NTRK3: variants seen among roughly 807,000 people sequenced by gnomAD.
The protein encoded by NTRK3 is NT-3 growth factor receptor.
In NTRK3, 24 loss-of-function variants were observed where a neutral mutation model predicts 91.7. The ratio of observed to expected loss-of-function variants is 0.26; its 90% confidence interval spans 0.19 to 0.37. The LOEUF (loss-of-function observed/expected upper bound fraction) is 0.37, where lower values mean the gene tolerates loss of function less well. NTRK3 is among the 10% of genes least tolerant of loss of function. The pLI, the probability that NTRK3 is intolerant of heterozygous loss-of-function variation, is 1.00. For synonymous variants in NTRK3, 483 were observed against 404.0 expected (o/e 1.20, Z -2.34); for missense variants, 880 against 1,068.9 (o/e 0.82, Z 2.46).
At chr15:88,066,636 G>C (rs1294967259) in intron 13 of NTRK3, among the ~76,000 whole-genome samples, 3 of 152,306 alleles carry the variant, frequency 2.0e-5, no homozygotes, top group African/African-American at 7.2e-5. Flanking sequence ...ATATGAGTGA[G>C]TGCCTCTCCC....
At chr15:87,932,544 AACCTTGGACCTTCTT>A (rs1429743688) in intron 16 of NTRK3, among the ~76,000 whole-genome samples, 3 of 152,210 alleles carry the variant, frequency 2.0e-5, no homozygotes, top group African/African-American at 7.2e-5. Flanking sequence ...GATGAATTGT[AACCTTGGACCTTCTT>A]ACTCATCATC....
rs528269518 is a variant in NTRK3 at position 88,207,020 on chromosome 15, T to G, written c.249-22721A>C. 4.6e-5 allele frequency among the ~76,000 whole-genome samples: 7 copies of G among 152,298 alleles called. No individual in the cohort carries two copies. The East Asian group carries it at 1.4e-3, about 29-fold the overall frequency. ...TACATTACCCAGAACCTTCTGTTCC[T>G]CCTTCAGGGAATTCACAGTCAAACT... On this transcript the variant is annotated intron_variant, in intron 3 of 18. Transcript: ENST00000394480.
chr15:88,181,904 C>T lies in NTRK3; in HGVS notation c.395+1514G>A, dbSNP rs150722333. ...ACCCTTGTATGAATTACTATGAAAACGGAGACTTCTCAGATGTCAAAAGCT... is the reference window on the plus strand; with the variant it reads ...ACCCTTGTATGAATTACTATGAAAATGGAGACTTCTCAGATGTCAAAAGCT... On this transcript the variant is annotated intron_variant, in intron 5 of 18. Coordinates refer to ENST00000394480, the Ensembl canonical transcript of NTRK3. Among the ~76,000 whole-genome samples the T allele has an allele frequency of 2.8e-3, 419 of 152,322 alleles. 7 individuals are homozygous for T. In the East Asian group the frequency reaches 0.032, roughly 12 times the overall value.
At chr15:88,024,860 T>G (rs1282533696) in intron 14 of NTRK3, among the ~76,000 whole-genome samples, 1 of 152,206 alleles carries the variant, frequency 6.6e-6, no homozygotes, top group Admixed American at 6.5e-5. Context: ...ATGGACACAT[T>G]GGTTGGTACC....
intron 14 of NTRK3, among the ~76,000 whole-genome samples, chr15:87,957,112 G>A (rs551478196): frequency 6.6e-6 from 1 of 152,236 alleles, no homozygotes; most frequent in East Asian, 1.9e-4. Flanking sequence ...ATTTCACTCT[G>A]AGATCTTAGA....
intron 3 of NTRK3, among the ~76,000 whole-genome samples, chr15:88,242,358 T>C (rs2052439205): frequency 1.3e-5 from 2 of 152,216 alleles, no homozygotes; most frequent in African/African-American, 4.8e-5. Flanking sequence ...TCACATTCAG[T>C]ACACCTGGGA....
chr15:87,929,814 A>T (rs1292351165), intron 16 of NTRK3, among the ~76,000 whole-genome samples: 5 of 152,208 alleles, frequency 3.3e-5, no homozygotes, highest in Admixed American at 3.3e-4. Flanking sequence ...AAATATTGTA[A>T]TTCACTCAAT....
At chr15:88,219,123 G>A (rs1451653705) in intron 3 of NTRK3, among the ~76,000 whole-genome samples, 4 of 152,240 alleles carry the variant, frequency 2.6e-5, no homozygotes, top group South Asian at 2.1e-4. Flanking sequence ...GAAGGCCTGA[G>A]GCAGACCTAC....
intron 13 of NTRK3, among the ~76,000 whole-genome samples, chr15:88,088,677 T>G (rs1156412072): frequency 2.0e-5 from 3 of 152,118 alleles, no homozygotes; most frequent in African/African-American, 7.2e-5. Context: ...GCTGCAAGAG[T>G]GCAGAAGCTG....
intron 17 of NTRK3, among the ~76,000 whole-genome samples, chr15:87,886,825 T>TA (rs376575397): frequency 0.044 from 6,361 of 143,718 alleles, 438 homozygotes; most frequent in African/African-American, 0.15. Flanking sequence ...TTAAAAATAG[T>TA]AAAAAAAAAA....
intron 14 of NTRK3, among the ~76,000 whole-genome samples, chr15:87,972,382 T>C (rs1043593557): frequency 6.6e-6 from 1 of 152,140 alleles, no homozygotes; most frequent in Non-Finnish European, 1.5e-5. Context: ...AAGACAAAAG[T>C]CAGGGACTGC....
At chr15:88,197,414 T>C (rs978266878) in intron 3 of NTRK3, among the ~76,000 whole-genome samples, 17 of 152,222 alleles carry the variant, frequency 1.1e-4, no homozygotes, top group Admixed American at 2.6e-4. Context: ...CTCCATTTTT[T>C]ACAAAGATGA....
exon 19 of NTRK3, chr15:87,870,828 T>C: frequency 4.4e-6 from 1 of 224,766 alleles, no homozygotes; most frequent in East Asian, 6.4e-5. Context: ...GTTATCTTGA[T>C]ACATCTTCTA....
intron 17 of NTRK3, among the ~76,000 whole-genome samples, chr15:87,907,666 T>A (rs2066853591): frequency 6.6e-6 from 1 of 152,118 alleles, no homozygotes; most frequent in African/African-American, 2.4e-5. Context: ...GTCTTCTTAG[T>A]CTGGGATGGA....
chr15:88,036,407 C>G (rs1419272164), intron 13 of NTRK3, among the ~76,000 whole-genome samples: 5 of 147,606 alleles, frequency 3.4e-5, no homozygotes, highest in African/African-American at 9.8e-5. Context: ...ACTTTTTAAC[C>G]TGGAAATCTA....
chr15:88,099,269 G>A (rs960913313), intron 13 of NTRK3: 13 of 224,810 alleles, frequency 5.8e-5, no homozygotes, highest in Non-Finnish European at 8.9e-5. Context: ...TGTGGAGCAC[G>A]ACTGACTTTG....
At chr15:88,082,847 A>C (rs536320831) in intron 13 of NTRK3, among the ~76,000 whole-genome samples, 6 of 152,272 alleles carry the variant, frequency 3.9e-5, no homozygotes, top group African/African-American at 1.4e-4. Context: ...TCAGCTCTTT[A>C]TCTCTTTTAC....
chr15:87,895,129 T>C (rs2066048048), intron 17 of NTRK3, among the ~76,000 whole-genome samples: 1 of 152,088 alleles, frequency 6.6e-6, no homozygotes, highest in Non-Finnish European at 1.5e-5. Context: ...ACACACAGGG[T>C]TGGAAGTTAC....
intron 13 of NTRK3, among the ~76,000 whole-genome samples, chr15:88,033,460 G>A (rs1204688253): frequency 6.6e-6 from 1 of 151,598 alleles, no homozygotes; most frequent in Non-Finnish European, 1.5e-5. Flanking sequence ...ACAGGTGCCT[G>A]CCACCATGCC....
Sources: gnomAD v4.1 joint callset for allele counts (sites outside exome capture counted in the v4.1 genomes callset) on GRCh38, gnomAD v4.1.1 for gene constraint, MANE v1.5 for transcripts, NCBI Gene and HGNC (gene_info 2026-07-23, HGNC 2026-07-21) for gene names.